Variants in NCOR2 observed in about 807,000 individuals in gnomAD.
NCOR2 encodes CTG repeat protein 26.
A neutral mutation model predicts 262.9 loss-of-function variants in NCOR2; 81 were observed. The observed-to-expected ratio is 0.31, with a 90% CI of 0.26 to 0.37. NCOR2 has a LOEUF of 0.37. NCOR2 is among the 10% of genes least tolerant of loss of function. NCOR2 has a pLI of 1.00. For synonymous variants in NCOR2, 1,659 were observed against 1,559.3 expected (o/e 1.06, Z -1.51); for missense variants, 3,385 against 3,621.4 (o/e 0.93, Z 1.68).
chr12:124,346,978 G>A, intron 30 of NCOR2, 128 bp from the exon 33 acceptor site: 1 of 1,181,856 alleles, frequency 8.5e-7, no homozygotes, highest in Non-Finnish European at 1.1e-6. Flanking sequence ...ACCTTGACCA[G>A]GAAATCTGAC....
intron 7 of NCOR2, among the ~76,000 whole-genome samples, chr12:124,439,933 G>C (rs974572358): frequency 2.0e-5 from 3 of 151,964 alleles, no homozygotes; most frequent in Admixed American, 2.0e-4. Flanking sequence ...GGAGGTTCTG[G>C]AGCCCACGCC....
chr12:124,411,146 C>G (rs76813987), intron 13 of NCOR2, among the ~76,000 whole-genome samples: 1 of 149,472 alleles, frequency 6.7e-6, no homozygotes, highest in Non-Finnish European at 1.5e-5. Context: ...GAGAGAGAGA[C>G]GGGAAAGCAC....
chr12:124,484,556 C>T (rs141062093), intron 2 of NCOR2, among the ~76,000 whole-genome samples: 1 of 152,212 alleles, frequency 6.6e-6, no homozygotes, highest in Non-Finnish European at 1.5e-5. Flanking sequence ...CACAGCTGTT[C>T]CCCTCCTGCA....
chr12:124,537,307 G>A (rs763885633), upstream of NCOR2, among the ~76,000 whole-genome samples: 1 of 152,150 alleles, frequency 6.6e-6, no homozygotes, highest in Non-Finnish European at 1.5e-5. Flanking sequence ...TAGTACAGAG[G>A]GCAGAGCACT....
intron 2 of NCOR2, among the ~76,000 whole-genome samples, chr12:124,484,956 C>A (rs1003190158): frequency 1.3e-5 from 2 of 152,128 alleles, no homozygotes; most frequent in African/African-American, 2.4e-5. Flanking sequence ...TGTTGCTGGC[C>A]CCCCCGGGGA....
Position 124,453,847 on chromosome 12 carries a change from C to T in NCOR2, c.762+3259G>A, listed in dbSNP as rs557303328. 1.9e-3 allele frequency among the ~76,000 whole-genome samples: 290 copies of T among 152,346 alleles called. 2 individuals carry two copies. The highest frequency in any genetic ancestry group is 0.014 in the South Asian group (66 of 4,832). ...GGGGCCGTGCCCCACCATCTCAGTG[C>T]CCCCGACCCCTGGTTAGCACCTCTG... On this transcript the variant is annotated intron_variant, in intron 6 of 46. Coordinates refer to ENST00000405201, the Ensembl canonical transcript of NCOR2.
chr12:124,460,273 T>C (rs2046096419), intron 5 of NCOR2, among the ~76,000 whole-genome samples: 1 of 152,206 alleles, frequency 6.6e-6, no homozygotes, highest in African/African-American at 2.4e-5. Context: ...TCTAAATACC[T>C]GGAAATGGAG....
At chr12:124,418,302 T>C (rs2136285677) in intron 13 of NCOR2, among the ~76,000 whole-genome samples, 1 of 152,300 alleles carries the variant, frequency 6.6e-6, no homozygotes, top group East Asian at 1.9e-4. Flanking sequence ...ATGTTGGGAA[T>C]GCGGCGAGGG....
rs762231051 is a variant in NCOR2, at chr12:124,477,005, CAG to C, written c.412-3876_412-3875del. On this transcript the variant is annotated intron_variant, in intron 3 of 46. Transcript: ENST00000405201. ...GGAAGTGGACAGACATAAAAGGCTG[CAG>C]AGTGTACAATTCCACTTACAAGAAA... Among the ~76,000 whole-genome samples the C allele has an allele frequency of 2.3e-4, 35 of 151,550 alleles. No individual in the cohort carries two copies. In the South Asian group the frequency reaches 2.3e-3, roughly 10 times the overall value.
In NCOR2 at chr12:124,483,355, A is replaced by C. The variant is rs980170294; in HGVS notation, c.411+241T>G. On this transcript the variant is annotated intron_variant, in intron 3 of 46. Transcript: ENST00000405201. The surrounding 1 kb of genome is among the most constrained non-coding windows in gnomAD (Gnocchi z 6.3). Reference sequence around the variant, plus strand: ...CCTATTCCTGCCCCAGGGCCTTTGCACTTGCTGCTCTGCCCACCTGGAACA... The same window carrying C: ...CCTATTCCTGCCCCAGGGCCTTTGCCCTTGCTGCTCTGCCCACCTGGAACA... Among the ~76,000 whole-genome samples the C allele has an allele frequency of 6.6e-6, 1 of 151,560 alleles. No individual in the cohort carries two copies. The highest frequency in any genetic ancestry group is 1.5e-5 in the Non-Finnish European group (1 of 67,906).
chr12:124,368,180 C>T (rs1188537733), intron 20 of NCOR2, among the ~76,000 whole-genome samples: 2 of 152,190 alleles, frequency 1.3e-5, no homozygotes, highest in Non-Finnish European at 2.9e-5. Context: ...CGTGGGTGGG[C>T]GTGGGGATGC....
At chr12:124,394,595 G>A (rs1464003630) in intron 16 of NCOR2, among the ~76,000 whole-genome samples, 2 of 152,230 alleles carry the variant, frequency 1.3e-5, no homozygotes, top group Non-Finnish European at 2.9e-5. Context: ...GAGACACGCA[G>A]GGAGAAAGGC....
At chr12:124,558,602 A>AG (rs2051963284) in intron 1 of NCOR2, among the ~76,000 whole-genome samples, 1 of 152,168 alleles carries the variant, frequency 6.6e-6, no homozygotes, top group African/African-American at 2.4e-5. Context: ...CGCCCAGAAC[A>AG]GGGGCCTGGG....
At chr12:124,334,202 G>A (rs1014473766) in intron 41 of NCOR2, 6 of 478,468 alleles carry the variant, frequency 1.3e-5, no homozygotes, top group Non-Finnish European at 2.2e-5. Flanking sequence ...GTACACGTGA[G>A]TGCCTGGAAC....
chr12:124,439,995 G>A lies in NCOR2; in HGVS notation c.816-1999C>T, dbSNP rs78649833. Among the ~76,000 whole-genome samples, 760 of 151,736 alleles carry A rather than the reference G, an allele frequency of 5.0e-3. 26 individuals carry two copies. The East Asian group carries it at 0.087, about 17-fold the overall frequency. ...ACTGCTGCACCGAGACCCCAGGACC[G>A]TCCTCTTCTCTTCCCAGGCCCCTCC... On this transcript the variant is annotated intron_variant, in intron 7 of 46. Transcript: ENST00000405201.
chr12:124,492,293 C>A (rs969424621), intron 1 of NCOR2, among the ~76,000 whole-genome samples: 1 of 152,194 alleles, frequency 6.6e-6, no homozygotes, highest in Non-Finnish European at 1.5e-5. Flanking sequence ...ACCAGGACAC[C>A]GGTACTGCAG....
rs552060816 is a variant in NCOR2, at chr12:124,567,055, C to G, written c.-165+253G>C. On this transcript the variant is annotated intron_variant, in intron 1 of 32. Transcript: ENST00000458234. The stretch of plus-strand genomic sequence containing the variant: ...AGCGCGCCCCCCGCCCACCCCAACG[C>G]CACTTCCCTCCTTCCCGCCCCCTCG... 1.1e-4 allele frequency among the ~76,000 whole-genome samples: 17 copies of G among 152,118 alleles called. No homozygotes were observed. In the South Asian group the frequency reaches 3.3e-3, roughly 30 times the overall value.
chr12:124,444,858 A>G (rs756155380), intron 7 of NCOR2, among the ~76,000 whole-genome samples: 2 of 152,140 alleles, frequency 1.3e-5, no homozygotes, highest in African/African-American at 4.8e-5. Flanking sequence ...GGCCTGGAGT[A>G]GAGACCCAGG....
chr12:124,351,527 C>T (rs1484876771), intron 27 of NCOR2, among the ~76,000 whole-genome samples: 1 of 152,124 alleles, frequency 6.6e-6, no homozygotes, highest in Non-Finnish European at 1.5e-5. Flanking sequence ...GCACAATTTC[C>T]CCCAATTGAG....
Sources: gnomAD v4.1 joint callset for allele counts (sites outside exome capture counted in the v4.1 genomes callset) on GRCh38, gnomAD v4.1.1 for gene constraint, Gnocchi (gnomAD v3.1) non-coding constraint, MANE v1.5 for transcripts, NCBI Gene and HGNC (gene_info 2026-07-23, HGNC 2026-07-21) for gene names.